The following SNCAIP variants were observed in gnomAD, a reference collection of about 807,000 sequenced individuals.
The protein encoded by SNCAIP is synuclein alpha interacting protein.
In SNCAIP, 43 loss-of-function variants were observed where a neutral mutation model predicts 86.7. That is an observed-to-expected ratio of 0.50 (90% CI 0.39 to 0.64). SNCAIP has a LOEUF of 0.64. Ranked by LOEUF, SNCAIP falls within the 30% of genes least tolerant of loss-of-function variation. The pLI, the probability that SNCAIP is intolerant of heterozygous loss-of-function variation, is 0.00. For synonymous variants in SNCAIP, 417 were observed against 427.2 expected, an observed-to-expected ratio of 0.98 and a Z score of 0.29; for missense variants, 981 against 1,103.1, an observed-to-expected ratio of 0.89 and a Z score of 1.57.
At chr5:122,424,737 C>T (rs1360677596) in intron 4 of SNCAIP, among the ~76,000 whole-genome samples, 1 of 152,136 alleles carries the variant, frequency 6.6e-6, no homozygotes, top group African/African-American at 2.4e-5. Flanking sequence ...GCTAAAAACA[C>T]CTCTTAGCTC....
intron 3 of SNCAIP, among the ~76,000 whole-genome samples, chr5:122,415,243 C>T (rs556210544): frequency 6.6e-6 from 1 of 152,280 alleles, no homozygotes; most frequent in Non-Finnish European, 1.5e-5. Flanking sequence ...AGAGTTCAGG[C>T]CATGGTAGGA....
rs536377738 is a variant in SNCAIP at position 122,427,161 on chromosome 5, A to G, written c.1182+1630A>G. Reference sequence around the variant, plus strand: ...GGTAGATTATTTATATAGGTAGAAGAAAATAATTTTTTTTAATTTGTATGC... The same window carrying G: ...GGTAGATTATTTATATAGGTAGAAGGAAATAATTTTTTTTAATTTGTATGC... On this transcript the variant is annotated intron_variant, in intron 5 of 10. Transcript: ENST00000261368. Among the ~76,000 whole-genome samples, 243 of 152,326 alleles carry G rather than the reference A, an allele frequency of 1.6e-3. 1 individual carries two copies. The highest frequency in any genetic ancestry group is 5.7e-3 in the African/African-American group (235 of 41,584).
At chr5:122,409,828 A>G (rs1773757498) in intron 3 of SNCAIP, among the ~76,000 whole-genome samples, 1 of 152,250 alleles carries the variant, frequency 6.6e-6, no homozygotes, top group Non-Finnish European at 1.5e-5. Flanking sequence ...GATGCTAAAT[A>G]TATAAACCTC....
chr5:122,381,079 G>C (rs377429624), intron 1 of SNCAIP, among the ~76,000 whole-genome samples: 53 of 150,048 alleles, frequency 3.5e-4, no homozygotes, highest in African/African-American at 9.0e-4. Flanking sequence ...GAGCTGAGTT[G>C]AATTCCTGGG....
At chr5:122,388,174 G>T (rs1263606359) in intron 1 of SNCAIP, among the ~76,000 whole-genome samples, 1 of 152,180 alleles carries the variant, frequency 6.6e-6, no homozygotes, top group African/African-American at 2.4e-5. Context: ...GCAGACCCCT[G>T]TTGCCAGAGC....
At position 122,463,701 on chromosome 5, in the gene SNCAIP, C is replaced by A; in HGVS notation, c.*205C>A. The A allele has an allele frequency of 1.7e-6, 1 of 576,180 alleles. No homozygotes were observed. Among genetic ancestry groups the A allele is most frequent in the East Asian group, 2.8e-5 (1 of 35,452 alleles). The allele number at this position is 576,180 out of a possible 1,614,324, so 35.7% of individuals were successfully genotyped here. On this transcript the variant is annotated 3_prime_UTR_variant, in exon 11 of 11. Transcript: ENST00000261368. The stretch of plus-strand genomic sequence containing the variant: ...AGCAGAAGAACAGAATATCAGGATG[C>A]CTTAAATTTATAGTAGTAGACTGTA...
intron 1 of SNCAIP, among the ~76,000 whole-genome samples, chr5:122,365,783 G>T (rs879264769): frequency 2.6e-5 from 4 of 152,158 alleles, no homozygotes; most frequent in Non-Finnish European, 4.4e-5. Flanking sequence ...GCCAAACTCT[G>T]TGCTGAGCAC....
chr5:122,446,708 G>A (rs1782390452), intron 8 of SNCAIP, among the ~76,000 whole-genome samples: 1 of 152,134 alleles, frequency 6.6e-6, no homozygotes, highest in Non-Finnish European at 1.5e-5. Context: ...AATCAACTTG[G>A]TACAGCCACA....
chr5:122,413,300 C>A (rs1774534908), intron 3 of SNCAIP, among the ~76,000 whole-genome samples: 1 of 152,186 alleles, frequency 6.6e-6, no homozygotes, highest in Non-Finnish European at 1.5e-5. Context: ...GCTACAGAAC[C>A]TGCCAGATTC....
chr5:122,314,236 C>T (rs1445857608), intron 1 of SNCAIP, among the ~76,000 whole-genome samples: 2 of 152,130 alleles, frequency 1.3e-5, no homozygotes, highest in Non-Finnish European at 2.9e-5. Flanking sequence ...TAAGGGAAAC[C>T]CACACAAACA....
intron 10 of SNCAIP, chr5:122,453,055 A>C: frequency 9.2e-7 from 1 of 1,087,640 alleles, no homozygotes; most frequent in South Asian, 1.4e-5. Context: ...GAATTGCATG[A>C]GCTTTTAAAT....
intron 8 of SNCAIP, among the ~76,000 whole-genome samples, chr5:122,447,793 A>G (rs895777821): frequency 2.0e-5 from 3 of 152,228 alleles, no homozygotes; most frequent in Admixed American, 6.5e-5. Flanking sequence ...TCATTTGTCT[A>G]TTGTGTAGGA....
intron 10 of SNCAIP, among the ~76,000 whole-genome samples, chr5:122,459,615 AGCTCTAATCATAAGGGGTTTTGTCCT>A (rs1278496585): frequency 6.6e-6 from 1 of 152,202 alleles, no homozygotes; most frequent in Non-Finnish European, 1.5e-5. Flanking sequence ...GTACAGACTT[AGCTCTAATCATAAGGGGTTTTGTCCT>A]GCAGAAAGAG....
At position 122,460,446 on chromosome 5, in the gene SNCAIP, A is replaced by C. The variant is rs190100387; in HGVS notation, c.2755-3045A>C. On this transcript the variant is annotated intron_variant, in intron 10 of 10. Coordinates refer to ENST00000261368, the MANE Select transcript of SNCAIP (RefSeq NM_005460.4). ...AAATCCGTATTTTTAACAATGATCC[A>C]AATGTGTCTAGCTCCATTTTAGCAT... Among the ~76,000 whole-genome samples the C allele has an allele frequency of 1.6e-3, 237 of 152,242 alleles. 1 individual carries two copies. The highest frequency in any genetic ancestry group is 5.5e-3 in the African/African-American group (229 of 41,546).
In SNCAIP at chr5:122,423,386, C is replaced by T; in HGVS notation, c.649C>T (p.His217Tyr). The T allele has an allele frequency of 6.2e-7, 1 of 1,613,592 alleles. No homozygotes were observed. The highest frequency in any genetic ancestry group is 8.5e-7 in the Non-Finnish European group (1 of 1,179,660). The part of the protein sequence containing the change: ...FCVLSPVKSP[H>Y]LRKASAVIHD... ...TGTTCTTTCTCCCGTGAAAAGCCCT[C>T]ACTTGAGAAAAGCATCAGCTGTCAT... The change falls in exon 4 of 11, where the codon CAC becomes TAC. Residue 217 changes from histidine to tyrosine, a missense_variant. Transcript: ENST00000261368.
At chr5:122,391,845 G>C (rs1005616230) in intron 2 of SNCAIP, among the ~76,000 whole-genome samples, 32 of 152,270 alleles carry the variant, frequency 2.1e-4, no homozygotes, top group African/African-American at 7.2e-4. Context: ...ATCTTGCTTT[G>C]AGCTGCTTGT....
intron 1 of SNCAIP, among the ~76,000 whole-genome samples, chr5:122,367,872 A>G (rs1423942104): frequency 6.6e-6 from 1 of 152,128 alleles, no homozygotes; most frequent in Non-Finnish European, 1.5e-5. Flanking sequence ...CATAAATTAT[A>G]TATATATATA....
At chr5:122,401,252 C>A (rs1017044156) in intron 2 of SNCAIP, 2 of 944,008 alleles carry the variant, frequency 2.1e-6, no homozygotes, top group Non-Finnish European at 3.0e-6. Flanking sequence ...AGGGAGACTT[C>A]TTGGATCATT....
rs138187190 is a variant in SNCAIP, at chr5:122,451,193, C to A, written c.2346C>A (p.Ser782Arg). The change falls in exon 10 of 11, where the codon AGC becomes AGA. Residue 782 changes from serine (S) to arginine (R), a missense_variant. Coordinates refer to ENST00000261368, the MANE Select transcript of SNCAIP (RefSeq NM_005460.4). ...CCTCTGGTGACCCTCAGCAGCCCAG[C>A]CCTGACAGTACTGCTGCCCAGAAAG... ...NQPSGDPQQP[S>R]PDSTAAQKVA... 9 of 1,613,988 alleles carry A rather than the reference C, an allele frequency of 5.6e-6. No individual in the cohort carries two copies. Among genetic ancestry groups the A allele is most frequent in the African/African-American group, 1.3e-5 (1 of 74,880 alleles).
Sources: allele counts gnomAD v4.1 joint callset (sites outside exome capture counted in the v4.1 genomes callset), GRCh38; gene constraint gnomAD v4.1.1; transcripts MANE v1.5; gene names NCBI Gene and HGNC (gene_info 2026-07-23, HGNC 2026-07-21).